LRRC1: variants seen among roughly 807,000 people sequenced by gnomAD.
The protein encoded by LRRC1 is leucine-rich repeat-containing protein 1.
A neutral mutation model predicts 69.9 loss-of-function variants in LRRC1; 28 were observed. That is an observed-to-expected ratio of 0.40 (90% confidence interval 0.30 to 0.55). LRRC1 has a LOEUF of 0.55. Ranked by LOEUF, LRRC1 falls within the 20% of genes least tolerant of loss-of-function variation. The probability of loss-of-function intolerance (pLI) is 0.47; values close to 1 mark genes in which losing one functional copy is unlikely to be tolerated. For missense variants in LRRC1, 498 were observed against 609.0 expected, an observed-to-expected ratio of 0.82 and a Z score of 1.92; for synonymous variants, 236 against 240.2, an observed-to-expected ratio of 0.98 and a Z score of 0.16.
intron 11 of LRRC1, 21 bp from the exon 12 acceptor site, chr6:53,919,477 T>TAAAAAAAA: frequency 8.0e-7 from 1 of 1,256,416 alleles, no homozygotes; most frequent in Middle Eastern, 2.2e-4. Flanking sequence ...TCTCTTTTTT[T>TAAAAAAAA]AAAAAAAAAA....
intron 7 of LRRC1, among the ~76,000 whole-genome samples, chr6:53,898,529 C>T (rs575142090): frequency 1.3e-4 from 20 of 152,180 alleles, no homozygotes; most frequent in African/African-American, 4.8e-4. Flanking sequence ...ATTAAAATTC[C>T]AATGATTGTG....
At chr6:53,918,291 A>G (rs1224755151) in intron 11 of LRRC1, among the ~76,000 whole-genome samples, 1 of 152,206 alleles carries the variant, frequency 6.6e-6, no homozygotes, top group Non-Finnish European at 1.5e-5. Flanking sequence ...TGCACCCAAT[A>G]CATATGCATG....
chr6:53,828,895 A>T (rs913137884), intron 1 of LRRC1, among the ~76,000 whole-genome samples: 5 of 152,242 alleles, frequency 3.3e-5, no homozygotes, highest in Non-Finnish European at 7.3e-5. Context: ...AGGTGTTATC[A>T]TTAGATCTAA....
chr6:53,865,452 T>C (rs1766669911), intron 2 of LRRC1, among the ~76,000 whole-genome samples: 1 of 152,136 alleles, frequency 6.6e-6, no homozygotes, highest in Non-Finnish European at 1.5e-5. Context: ...TGCAGAAGGT[T>C]GTTAGTCTTT....
intron 1 of LRRC1, among the ~76,000 whole-genome samples, chr6:53,806,478 G>A (rs1160181963): frequency 2.0e-5 from 3 of 152,242 alleles, no homozygotes; most frequent in Non-Finnish European, 2.9e-5. Flanking sequence ...GGGTGTCAGC[G>A]CTGGGTTCTT....
intron 1 of LRRC1, among the ~76,000 whole-genome samples, chr6:53,825,586 T>A (rs2127410434): frequency 6.6e-6 from 1 of 152,268 alleles, no homozygotes; most frequent in South Asian, 2.1e-4. Context: ...GCCTCCAAAG[T>A]TGATAGTGCC....
chr6:53,880,296 C>A (rs368358768), intron 3 of LRRC1, among the ~76,000 whole-genome samples: 3 of 152,060 alleles, frequency 2.0e-5, no homozygotes, highest in East Asian at 1.9e-4. Flanking sequence ...GTAAGCTATA[C>A]CCTAATAGCT....
At chr6:53,894,860 C>T (rs569771037) in intron 4 of LRRC1, among the ~76,000 whole-genome samples, 1 of 151,976 alleles carries the variant, frequency 6.6e-6, no homozygotes, top group Non-Finnish European at 1.5e-5. Flanking sequence ...ACTGCAACTC[C>T]GCACCAAGTT....
intron 5 of LRRC1, 63 bp downstream of exon 5, chr6:53,896,617 C>A: frequency 7.0e-7 from 1 of 1,420,778 alleles, no homozygotes; most frequent in Non-Finnish European, 9.9e-7. Context: ...TTTAAAAAAA[C>A]AGGACTACAG....
chr6:53,862,173 A>T (rs982312341), intron 2 of LRRC1, among the ~76,000 whole-genome samples: 1 of 152,210 alleles, frequency 6.6e-6, no homozygotes, highest in Non-Finnish European at 1.5e-5. Context: ...AATGGGAATG[A>T]TTAAAATGAG....
intron 2 of LRRC1, among the ~76,000 whole-genome samples, chr6:53,862,661 C>T (rs1418823428): frequency 1.3e-5 from 2 of 152,144 alleles, no homozygotes; most frequent in Non-Finnish European, 2.9e-5. Context: ...TTCCTGCCTC[C>T]CCTTCTGTAC....
intron 1 of LRRC1, among the ~76,000 whole-genome samples, chr6:53,813,325 A>T (rs1440308758): frequency 1.3e-5 from 2 of 152,082 alleles, no homozygotes; most frequent in African/African-American, 4.8e-5. Context: ...AGGAGTTGCT[A>T]TGCTTGCTTG....
Position 53,814,148 on chromosome 6 carries a change from A to C in LRRC1, c.159+18733A>C, listed in dbSNP as rs186760810. ...ACTCATCTTTCATAGGATTCAGCTC[A>C]ATTTACTTGGCTAAAGTAATGTGTA... On this transcript the variant is annotated intron_variant, in intron 1 of 13. Coordinates refer to ENST00000370888, the MANE Select transcript of LRRC1 (RefSeq NM_018214.5). Among the ~76,000 whole-genome samples, 482 of 152,320 alleles carry C rather than the reference A, an allele frequency of 3.2e-3. 5 individuals are homozygous for C. The highest frequency in any genetic ancestry group is 0.011 in the African/African-American group (456 of 41,562).
Position 53,867,299 on chromosome 6 carries a change from G to A in LRRC1, c.278-11694G>A, listed in dbSNP as rs144419562. Among the ~76,000 whole-genome samples, 310 of 152,212 alleles carry A rather than the reference G, an allele frequency of 2.0e-3. 3 individuals are homozygous for A. Among genetic ancestry groups the A allele is most frequent in the African/African-American group, 7.2e-3 (297 of 41,466 alleles). On this transcript the variant is annotated intron_variant, in intron 2 of 13. Transcript: ENST00000370888. ...CTGCCGCTGCAGTTTTATGATCAGG[G>A]TGGTAAAGGGCCCTCTGAGTGCAGT...
In LRRC1 at chr6:53,891,743, G is replaced by T. The variant is rs143352018; in HGVS notation, c.447-4755G>T. Among the ~76,000 whole-genome samples, 761 of 152,032 alleles carry T rather than the reference G, an allele frequency of 5.0e-3. 6 individuals are homozygous for T. The highest frequency in any genetic ancestry group is 8.7e-3 in the Non-Finnish European group (589 of 67,972). On this transcript the variant is annotated intron_variant, in intron 4 of 13. Transcript: ENST00000370888. ...CATGCCTGTAATCCTAGCACTTTGG[G>T]CAGGCCTAGGTAGGCAGATCACCTG...
intron 4 of LRRC1, among the ~76,000 whole-genome samples, chr6:53,883,443 A>G (rs1471678535): frequency 6.6e-6 from 1 of 152,160 alleles, no homozygotes; most frequent in African/African-American, 2.4e-5. Flanking sequence ...GGGAATGAGA[A>G]TGGTGTATTT....
At chr6:53,897,761 T>C (rs989096757) in intron 7 of LRRC1, among the ~76,000 whole-genome samples, 2 of 152,212 alleles carry the variant, frequency 1.3e-5, no homozygotes, top group African/African-American at 2.4e-5. Context: ...TAATAACTCA[T>C]GTAAAAGCAA....
chr6:53,919,797 G>A (rs1220631785), intron 12 of LRRC1, 127 bp downstream of exon 12: 2 of 783,638 alleles, frequency 2.6e-6, no homozygotes, highest in Non-Finnish European at 3.9e-6. Context: ...AGCCAGCTCA[G>A]GTGAGGCCAC....
At chr6:53,810,446 G>A (rs988927881) in intron 1 of LRRC1, among the ~76,000 whole-genome samples, 6 of 152,020 alleles carry the variant, frequency 3.9e-5, no homozygotes, top group South Asian at 2.1e-4. Flanking sequence ...TGGTGAAACC[G>A]TGTCTCTACT....
Sources: gnomAD v4.1 joint callset for allele counts (sites outside exome capture counted in the v4.1 genomes callset) on GRCh38, gnomAD v4.1.1 for gene constraint, MANE v1.5 for transcripts, NCBI Gene and HGNC (gene_info 2026-07-23, HGNC 2026-07-21) for gene names.